RUFY3: variants seen among roughly 807,000 people sequenced by gnomAD.
RUFY3 encodes the protein protein RUFY3.
A neutral mutation model predicts 84.0 loss-of-function variants in RUFY3; 34 were observed. The ratio of observed to expected loss-of-function variants is 0.40; its 90% CI spans 0.31 to 0.54. The LOEUF is 0.54. Ranked by LOEUF, RUFY3 falls within the 20% of genes least tolerant of loss-of-function variation. The pLI is 0.39. For missense variants in RUFY3, 507 were observed against 736.8 expected (o/e 0.69, Z 3.61); for synonymous variants, 242 against 252.9 (o/e 0.96, Z 0.41).
chr4:70,731,636 C>T (rs1719293426), intron 1 of RUFY3, among the ~76,000 whole-genome samples: 1 of 152,094 alleles, frequency 6.6e-6, no homozygotes, highest in African/African-American at 2.4e-5. Context: ...GGCGCAGTCT[C>T]GGCTCACTGC....
chr4:70,748,176 A>G (rs1722534361), intron 1 of RUFY3, among the ~76,000 whole-genome samples: 1 of 152,120 alleles, frequency 6.6e-6, no homozygotes, highest in African/African-American at 2.4e-5. Context: ...TCTGCTCAAA[A>G]CTACAGTGGT....
intron 1 of RUFY3, among the ~76,000 whole-genome samples, chr4:70,710,714 G>A (rs1740883157): frequency 6.6e-6 from 1 of 151,754 alleles, no homozygotes; most frequent in African/African-American, 2.4e-5. Flanking sequence ...ACCTGGTCAG[G>A]AATTGAACAC....
chr4:70,751,432 T>G (rs144691712), intron 1 of RUFY3, among the ~76,000 whole-genome samples: 1 of 152,356 alleles, frequency 6.6e-6, no homozygotes, highest in Non-Finnish European at 1.5e-5. Context: ...TAATACCATT[T>G]GCTTCAATGA....
At position 70,759,356 on chromosome 4, in the gene RUFY3, T is replaced by TGTG. The variant is rs58429331; in HGVS notation, c.179-3163_179-3162insGTG. 7.2e-3 allele frequency among the ~76,000 whole-genome samples: 868 copies of TGTG among 119,986 alleles called. 5 individuals carry two copies. The highest frequency in any genetic ancestry group is 0.023 in the African/African-American group (716 of 31,438). 78.7% of individuals were successfully genotyped at this position (119,986 alleles called of 152,430 possible). On this transcript the variant is annotated intron_variant, in intron 1 of 17. Coordinates refer to ENST00000381006, the MANE Select transcript of RUFY3 (RefSeq NM_001037442.4). Reference sequence around the variant, plus strand: ...GATTTCATTCTTTTTATGGCTGAATTTGTGTGTGTGTGTGTATGTGTGTGT... The same window carrying TGTG: ...GATTTCATTCTTTTTATGGCTGAATTGTGTGTGTGTGTGTGTGTATGTGTGTGT...
intron 1 of RUFY3, among the ~76,000 whole-genome samples, chr4:70,731,897 C>T (rs1719339860): frequency 6.6e-6 from 1 of 152,154 alleles, no homozygotes; most frequent in Admixed American, 6.5e-5. Flanking sequence ...CAGTAATGTT[C>T]ACGATTATGG....
At chr4:70,789,022 G>T in intron 11 of RUFY3, 49 bp downstream of exon 11, 1 of 1,588,810 alleles carries the variant, frequency 6.3e-7, no homozygotes. Flanking sequence ...AAATCCTGGG[G>T]CTTCCCTCCT....
intron 7 of RUFY3, among the ~76,000 whole-genome samples, chr4:70,775,683 AG>A (rs1727817179): frequency 6.6e-6 from 1 of 152,070 alleles, no homozygotes; most frequent in African/African-American, 2.4e-5. Flanking sequence ...GCTGGGCCAA[AG>A]CCTGTAGTCC....
chr4:70,789,011 A>G (rs573452582), intron 11 of RUFY3, 38 bp downstream of exon 11: 7 of 1,598,856 alleles, frequency 4.4e-6, no homozygotes, highest in East Asian at 4.5e-5. Context: ...CTGGCTCTCT[A>G]AAATCCTGGG....
In RUFY3 at chr4:70,787,424, A is replaced by G. The variant is rs1371540561; in HGVS notation, c.1072-1382A>G. 6.6e-5 allele frequency among the ~76,000 whole-genome samples: 10 copies of G among 150,730 alleles called. No homozygotes were observed. In the Admixed American group the frequency reaches 6.6e-4, roughly 10 times the overall value. On this transcript the variant is annotated intron_variant, in intron 10 of 17. Coordinates refer to ENST00000381006, the MANE Select transcript of RUFY3 (RefSeq NM_001037442.4). ...AGGCGCCTGCCACCACACCCAGCTA[A>G]TTTTTGTATTTTAGTAGAGATGGGG...
At chr4:70,751,069 A>G (rs181685518) in intron 1 of RUFY3, among the ~76,000 whole-genome samples, 2 of 152,280 alleles carry the variant, frequency 1.3e-5, no homozygotes, top group South Asian at 2.1e-4. Context: ...TATTTTTTAA[A>G]TAATTTCAGC....
intron 1 of RUFY3, among the ~76,000 whole-genome samples, chr4:70,751,364 G>C (rs964723512): frequency 1.3e-5 from 2 of 152,140 alleles, no homozygotes; most frequent in African/African-American, 4.8e-5. Context: ...AAAGCAGCTG[G>C]ACCATTTTAC....
intron 1 of RUFY3, among the ~76,000 whole-genome samples, chr4:70,731,141 A>C (rs1344781028): frequency 1.3e-5 from 2 of 151,136 alleles, no homozygotes; most frequent in African/African-American, 4.9e-5. Context: ...GGGTTCAAAC[A>C]ATTCTCCTGC....
intron 7 of RUFY3, among the ~76,000 whole-genome samples, chr4:70,777,822 TAAAC>T (rs993054523): frequency 3.4e-4 from 52 of 152,354 alleles, no homozygotes; most frequent in African/African-American, 5.0e-4. Flanking sequence ...CATATGTAGA[TAAAC>T]AAAGTTTATT....
chr4:70,794,910 C>G lies in RUFY3; in HGVS notation c.1557+16C>G. 1 of 1,491,762 alleles carries G rather than the reference C, an allele frequency of 6.7e-7. No individual in the cohort carries two copies. The highest frequency in any genetic ancestry group is 9.3e-7 in the Non-Finnish European group (1 of 1,076,314). 92.4% of individuals were successfully genotyped at this position (1,491,762 alleles called of 1,614,324 possible). ...ATCCAAGATGGTAATATTTGCTATT[C>G]CCTTGTTCTTTTACTTAATTTCAGT... On this transcript the variant is annotated intron_variant, in intron 14 of 17. Coordinates refer to ENST00000381006, the MANE Select transcript of RUFY3 (RefSeq NM_001037442.4).
intron 12 of RUFY3, chr4:70,792,402 C>A (rs1161138404): frequency 1.0e-6 from 1 of 973,280 alleles, no homozygotes; most frequent in Non-Finnish European, 1.2e-6. Flanking sequence ...AAAATAGATT[C>A]CCAGTAGATA....
chr4:70,717,246 T>C (rs6834150), upstream of RUFY3, among the ~76,000 whole-genome samples: 25,074 of 152,208 alleles, frequency 0.16, 5,078 homozygotes, highest in African/African-American at 0.48. Context: ...TTTTCTATTT[T>C]GGAATTTATC....
At chr4:70,740,294 T>C (rs752174680) in intron 1 of RUFY3, among the ~76,000 whole-genome samples, 18 of 152,196 alleles carry the variant, frequency 1.2e-4, no homozygotes, top group Non-Finnish European at 2.4e-4. Context: ...ACTCTGATAC[T>C]TAAAACTTTA....
At chr4:70,798,249 G>A (rs1311056085) in intron 14 of RUFY3, among the ~76,000 whole-genome samples, 1 of 151,144 alleles carries the variant, frequency 6.6e-6, no homozygotes, top group Non-Finnish European at 1.5e-5. Flanking sequence ...CGTGCCTATA[G>A]TCCCAGCTGC....
rs1326173020 is a variant in RUFY3 at position 70,807,787 on chromosome 4, A to G, written c.*1128A>G. 6.6e-6 allele frequency among the ~76,000 whole-genome samples: 1 copy of G among 151,602 alleles called. No homozygotes were observed. On this transcript the variant is annotated 3_prime_UTR_variant, in exon 18 of 18. Transcript: ENST00000381006. ...AGTGCCGAGATTACAGGCATGAGCC[A>G]CCACACCTGGCCAAGTTTAATTTGT...
Sources: gnomAD v4.1 joint callset for allele counts (sites outside exome capture counted in the v4.1 genomes callset) on GRCh38, gnomAD v4.1.1 for gene constraint, MANE v1.5 for transcripts, NCBI Gene and HGNC (gene_info 2026-07-23, HGNC 2026-07-21) for gene names.